TTLL9: variants seen among roughly 807,000 people sequenced by gnomAD.
The protein encoded by TTLL9 is tubulin tyrosine ligase like 9.
A neutral mutation model predicts 65.6 loss-of-function variants in TTLL9; 47 were observed. That is an observed-to-expected ratio of 0.72 (90% CI 0.57 to 0.91). The LOEUF (loss-of-function observed/expected upper bound fraction) is 0.91. TTLL9 is among the 40% of genes least tolerant of loss of function. The pLI is 0.00. For synonymous variants in TTLL9, 179 were observed against 204.8 expected, an observed-to-expected ratio of 0.87 and a Z score of 1.07; for missense variants, 537 against 568.8, an observed-to-expected ratio of 0.94 and a Z score of 0.57.
chr20:31,942,940 T>C lies in TTLL9; in HGVS notation c.1244-5T>C. 1 of 1,614,030 alleles carries C rather than the reference T, an allele frequency of 6.2e-7. No individual in the cohort carries two copies. Among genetic ancestry groups the C allele is most frequent in the Non-Finnish European group, 8.5e-7 (1 of 1,179,974 alleles). On this transcript the variant is annotated splice_polypyrimidine_tract_variant and splice_region_variant and intron_variant, in intron 14 of 14. Transcript: ENST00000535842. Reference sequence around the variant, plus strand: ...ATCCCAGCCAACACCCCACTTCCTTTCCAGGCTGCGTCAACGATCGGAAGA... The same window carrying C: ...ATCCCAGCCAACACCCCACTTCCTTCCCAGGCTGCGTCAACGATCGGAAGA...
At chr20:31,905,244 T>C (rs2063535990) in intron 4 of TTLL9, among the ~76,000 whole-genome samples, 1 of 151,948 alleles carries the variant, frequency 6.6e-6, no homozygotes, top group Non-Finnish European at 1.5e-5. Context: ...CTAGTTTTTG[T>C]GTTTTTTTTT....
intron 4 of TTLL9, among the ~76,000 whole-genome samples, chr20:31,903,681 ACTTATTTTTAAACTT>A (rs1432994251): frequency 6.6e-6 from 1 of 152,222 alleles, no homozygotes; most frequent in Non-Finnish European, 1.5e-5. Flanking sequence ...ATTTTAAAAT[ACTTATTTTTAAACTT>A]TTTTATTTTG....
intron 2 of TTLL9, among the ~76,000 whole-genome samples, chr20:31,884,308 C>G (rs1408291126): frequency 6.6e-6 from 1 of 152,150 alleles, no homozygotes; most frequent in Admixed American, 6.5e-5. Context: ...TCACTGCAAC[C>G]TCCGCCTCCT....
intron 3 of TTLL9, among the ~76,000 whole-genome samples, chr20:31,887,855 C>CCTCTTGCTT (rs1555807861): frequency 1.7e-5 from 2 of 114,926 alleles, no homozygotes; most frequent in Non-Finnish European, 3.5e-5. Context: ...TATCTCCTCT[C>CCTCTTGCTT]CTCTTCTCTT....
At chr20:31,891,035 C>T (rs1003940168) in intron 3 of TTLL9, among the ~76,000 whole-genome samples, 1 of 152,184 alleles carries the variant, frequency 6.6e-6, no homozygotes, top group African/African-American at 2.4e-5. Flanking sequence ...TCCTTGCTCA[C>T]GTGTTTCCTG....
chr20:31,940,720 G>C (rs1426066287), intron 14 of TTLL9: 1 of 152,186 alleles, frequency 6.6e-6, no homozygotes, highest in African/African-American at 2.4e-5. Flanking sequence ...GTTGATACTG[G>C]CTGTCAGTTG....
In TTLL9 at chr20:31,870,935, C is replaced by T; in HGVS notation, c.-20C>T. ...AGGGCTCTCTGCTCTTCAGAGTCTG[C>T]TTGGAACGGGATAAGTGGGTAATTC... On this transcript the variant is annotated 5_prime_UTR_variant, in exon 1 of 15. Transcript: ENST00000535842. The surrounding 1 kb of genome is among the most constrained non-coding windows in gnomAD (Gnocchi z 6.6). 1.6e-6 allele frequency: 1 copy of T among 638,270 alleles called. No individual in the cohort carries two copies. The highest frequency in any genetic ancestry group is 2.8e-6 in the Non-Finnish European group (1 of 353,360). The allele number at this position is 638,270 out of a possible 1,614,324, so 39.5% of individuals were successfully genotyped here.
chr20:31,889,970 C>T (rs912306434), intron 3 of TTLL9, among the ~76,000 whole-genome samples: 1 of 133,652 alleles, frequency 7.5e-6, no homozygotes. Context: ...AGCCACATCT[C>T]TCTCTTTCTT....
chr20:31,942,733 T>C (rs1007856036), intron 14 of TTLL9, among the ~76,000 whole-genome samples: 1 of 152,220 alleles, frequency 6.6e-6, no homozygotes, highest in Non-Finnish European at 1.5e-5. Flanking sequence ...AGTAGTATCC[T>C]GGTTTACAGA....
At chr20:31,873,842 AAG>A (rs369043022) in intron 2 of TTLL9, among the ~76,000 whole-genome samples, 1,837 of 139,244 alleles carry the variant, frequency 0.013, 34 homozygotes, top group Admixed American at 0.033. Flanking sequence ...GAAAGAAAGA[AAG>A]AAAGAAAGAA....
intron 3 of TTLL9, among the ~76,000 whole-genome samples, chr20:31,892,778 C>T (rs970874427): frequency 6.6e-6 from 1 of 152,148 alleles, no homozygotes. Flanking sequence ...CAATATGCAT[C>T]CTTACCTTAT....
intron 10 of TTLL9, among the ~76,000 whole-genome samples, chr20:31,930,997 G>A (rs1429320889): frequency 2.0e-5 from 3 of 151,988 alleles, no homozygotes; most frequent in Admixed American, 6.6e-5. Context: ...GTGAAGTTCT[G>A]GGAGTCGTAC....
intron 4 of TTLL9, among the ~76,000 whole-genome samples, chr20:31,908,307 C>T (rs1301879858): frequency 3.3e-5 from 5 of 152,150 alleles, no homozygotes; most frequent in South Asian, 2.1e-4. Flanking sequence ...GAAGGGGTGG[C>T]TGCTCCTCAG....
intron 3 of TTLL9, among the ~76,000 whole-genome samples, chr20:31,895,994 C>G (rs2063381883): frequency 6.6e-6 from 1 of 152,056 alleles, no homozygotes; most frequent in Non-Finnish European, 1.5e-5. Flanking sequence ...CACCAGCCAC[C>G]ATGCCCGGCT....
chr20:31,931,990 T>C (rs2064020809), intron 10 of TTLL9, among the ~76,000 whole-genome samples: 1 of 152,236 alleles, frequency 6.6e-6, no homozygotes, highest in Non-Finnish European at 1.5e-5. Flanking sequence ...TCCTCTATTT[T>C]TCTCTATGAA....
rs1286424316 is a variant in TTLL9, at chr20:31,890,100, CCCTTCCTT to C, written c.113+2911_113+2918del. Among the ~76,000 whole-genome samples the C allele has an allele frequency of 3.8e-3, 189 of 50,002 alleles. 3 individuals carry two copies. The highest frequency in any genetic ancestry group is 0.011 in the South Asian group (16 of 1,492). The allele number at this position is 50,002 out of a possible 152,430, so 32.8% of individuals were successfully genotyped here. ...TCTTGCTTTCTTGCTTTCTTTCCCT[CCCTTCCTT>C]CCTTCCTTCCTTCCTTCCTTCCTTC... is the stretch of plus-strand genomic sequence containing the variant. On this transcript the variant is annotated intron_variant, in intron 3 of 14. Transcript: ENST00000535842.
chr20:31,912,008 G>A (rs1166854519), intron 6 of TTLL9, among the ~76,000 whole-genome samples: 3 of 152,000 alleles, frequency 2.0e-5, no homozygotes, highest in Admixed American at 6.5e-5. Context: ...CAGGTCACTC[G>A]ACCCCCTTAA....
intron 6 of TTLL9, among the ~76,000 whole-genome samples, chr20:31,917,177 A>G (rs2123539283): frequency 6.6e-6 from 1 of 152,326 alleles, no homozygotes; most frequent in African/African-American, 2.4e-5. Flanking sequence ...ATCAGCACCC[A>G]GGTCATAAAC....
intron 4 of TTLL9, among the ~76,000 whole-genome samples, chr20:31,906,602 T>C (rs1568783939): frequency 6.6e-6 from 1 of 152,136 alleles, no homozygotes; most frequent in Non-Finnish European, 1.5e-5. Flanking sequence ...AGCCTACTTG[T>C]CTATATTAGA....
Sources: allele counts gnomAD v4.1 joint callset (sites outside exome capture counted in the v4.1 genomes callset), GRCh38; gene constraint gnomAD v4.1.1; non-coding constraint Gnocchi (gnomAD v3.1); transcripts MANE v1.5; gene names NCBI Gene and HGNC (gene_info 2026-07-23, HGNC 2026-07-21).